Variants in GRAMD1B observed in about 807,000 individuals in gnomAD.
The protein encoded by GRAMD1B is protein Aster-B.
A neutral mutation model predicts 99.7 loss-of-function variants in GRAMD1B; 37 were observed. The ratio of observed to expected loss-of-function variants is 0.37; its 90% confidence interval spans 0.29 to 0.49. The LOEUF is 0.49. Ranked by LOEUF, GRAMD1B falls within the 20% of genes least tolerant of loss-of-function variation. The pLI is 0.98. For synonymous variants in GRAMD1B, 427 were observed against 387.6 expected (o/e 1.10, Z -1.19); for missense variants, 888 against 1,009.2 (o/e 0.88, Z 1.63).
At chr11:123,596,762 A>C (rs1565437503) in intron 7 of GRAMD1B, among the ~76,000 whole-genome samples, 1 of 152,192 alleles carries the variant, frequency 6.6e-6, no homozygotes, top group Non-Finnish European at 1.5e-5. Flanking sequence ...AAAACAATTG[A>C]AGGCCTGAGT....
At chr11:123,406,013 T>G (rs1039126500) in intron 1 of GRAMD1B, among the ~76,000 whole-genome samples, 3 of 146,294 alleles carry the variant, frequency 2.1e-5, no homozygotes, top group Non-Finnish European at 3.0e-5. Flanking sequence ...CTGAACATTA[T>G]TCCTTTTTTT....
chr11:123,425,882 G>C (rs1183298841), upstream of GRAMD1B, among the ~76,000 whole-genome samples: 2 of 152,124 alleles, frequency 1.3e-5, no homozygotes, highest in African/African-American at 2.4e-5. Flanking sequence ...ATGAAGGGAG[G>C]ACTCGTGAAA....
intron 1 of GRAMD1B, among the ~76,000 whole-genome samples, chr11:123,444,754 C>T (rs1286480083): frequency 6.6e-6 from 1 of 152,126 alleles, no homozygotes; most frequent in Non-Finnish European, 1.5e-5. Context: ...CTCCCAGCAC[C>T]TGCACGAGTT....
At chr11:123,526,019 G>A (rs567043908) in intron 2 of GRAMD1B, 4 of 741,580 alleles carry the variant, frequency 5.4e-6, no homozygotes, top group African/African-American at 1.7e-5. Context: ...TTCTCTTTCT[G>A]TGTTCAAGTC....
At chr11:123,363,579 T>G (rs1330941665) in intron 1 of GRAMD1B, among the ~76,000 whole-genome samples, 3 of 149,518 alleles carry the variant, frequency 2.0e-5, no homozygotes, top group Admixed American at 6.6e-5. Flanking sequence ...ACTTTTTTTT[T>G]GTTTGTTTTT....
chr11:123,531,228 A>C lies in GRAMD1B; in HGVS notation c.453-46139A>C, dbSNP rs140429233. On this transcript the variant is annotated intron_variant, in intron 2 of 19. Coordinates refer to ENST00000635736, the MANE Select transcript of GRAMD1B (RefSeq NM_001387025.1). The stretch of plus-strand genomic sequence containing the variant: ...TCCCGTGGTTCGGTAAGTCCAGGAC[A>C]CTGAGCGCTGGTCATCTAGGCATTT... Among the ~76,000 whole-genome samples the C allele has an allele frequency of 2.9e-3, 445 of 152,318 alleles. 3 individuals carry two copies. The highest frequency in any genetic ancestry group is 0.01 in the African/African-American group (427 of 41,564).
rs1592267485 is a variant in GRAMD1B, at chr11:123,610,377, T to A, written c.1919+39T>A. 1.9e-6 allele frequency: 3 copies of A among 1,604,848 alleles called. No homozygotes were observed. The East Asian group carries it at 6.7e-5, about 36-fold the overall frequency. ...AAGTCCCAGTGCGGTCAGACGGGGGTCCTTACCTTAGAGAACATTCATTTG... is the reference window on the plus strand; with the variant it reads ...AAGTCCCAGTGCGGTCAGACGGGGGACCTTACCTTAGAGAACATTCATTTG... On this transcript the variant is annotated intron_variant, in intron 14 of 19. Coordinates refer to ENST00000635736, the MANE Select transcript of GRAMD1B (RefSeq NM_001387025.1). The surrounding 1 kb of genome is among the most constrained non-coding windows in gnomAD (Gnocchi z 4.1).
chr11:123,560,597 G>T (rs1946633621), intron 2 of GRAMD1B: 2 of 541,574 alleles, frequency 3.7e-6, no homozygotes, highest in Non-Finnish European at 6.5e-6. Flanking sequence ...ATGCATGAAT[G>T]AATGAGTTCC....
intron 1 of GRAMD1B, among the ~76,000 whole-genome samples, chr11:123,442,866 C>G (rs111776768): frequency 2.7e-5 from 4 of 150,176 alleles, no homozygotes; most frequent in Admixed American, 6.6e-5. Flanking sequence ...TGCCCCCCCC[C>G]ACCCCTTTTA....
intron 1 of GRAMD1B, among the ~76,000 whole-genome samples, chr11:123,401,050 T>G (rs1272436917): frequency 6.6e-6 from 1 of 152,204 alleles, no homozygotes; most frequent in Non-Finnish European, 1.5e-5. Context: ...GAAAGCAATT[T>G]ATATATTTTA....
At chr11:123,414,291 C>T (rs372567097) in intron 1 of GRAMD1B, among the ~76,000 whole-genome samples, 3 of 152,122 alleles carry the variant, frequency 2.0e-5, no homozygotes, top group African/African-American at 7.2e-5. Context: ...GTGATCCACC[C>T]GCTTTGGCCT....
Position 123,442,016 on chromosome 11 carries a change from CTG to C in GRAMD1B, c.374+10852_374+10853del, listed in dbSNP as rs1220663840. ...AGAGAATTTGAAAGGAAAGATCAAA[CTG>C]TTTTTTCTTTCTCACAGTCAACACA... On this transcript the variant is annotated intron_variant, in intron 1 of 19. Transcript: ENST00000635736. Among the ~76,000 whole-genome samples, 5 of 152,268 alleles carry C rather than the reference CTG, an allele frequency of 3.3e-5. No individual in the cohort carries two copies. The East Asian group carries it at 9.7e-4, about 29-fold the overall frequency.
chr11:123,609,876 C>G lies in GRAMD1B; in HGVS notation c.1739C>G (p.Pro580Arg). Residue 580 changes from proline to arginine, a missense_variant, in exon 13 of 20, where the codon CCT becomes CGT. Transcript: ENST00000635736. ...VILYTITLTN[P>R]LAPKTATVRE... ...CTTTACACCATCACCCTTACCAACC[C>G]TCTGGCTCCCAAAACTGCCACTGTC... 1 of 1,598,678 alleles carries G rather than the reference C, an allele frequency of 6.3e-7. No homozygotes were observed.
At chr11:123,387,850 G>A (rs935845174) in intron 1 of GRAMD1B, among the ~76,000 whole-genome samples, 3 of 152,108 alleles carry the variant, frequency 2.0e-5, no homozygotes, top group Admixed American at 6.6e-5. Context: ...TTGGCCGGGT[G>A]TGGTGGCTCA....
At chr11:123,561,492 T>C (rs1434916726) in intron 2 of GRAMD1B, among the ~76,000 whole-genome samples, 1 of 152,272 alleles carries the variant, frequency 6.6e-6, no homozygotes, top group African/African-American at 2.4e-5. Context: ...ATTTGCCATG[T>C]ATTTTGAGAA....
chr11:123,484,206 T>C (rs1951764089), intron 2 of GRAMD1B, among the ~76,000 whole-genome samples: 1 of 152,184 alleles, frequency 6.6e-6, no homozygotes. Context: ...CTTTGCCTGC[T>C]CTTCTTCTAC....
chr11:123,480,115 T>C (rs1951509271), intron 1 of GRAMD1B, among the ~76,000 whole-genome samples: 1 of 152,200 alleles, frequency 6.6e-6, no homozygotes. Flanking sequence ...AAGGCCATTC[T>C]TTCCCGTATT....
Position 123,613,521 on chromosome 11 carries a change from A to G in GRAMD1B, c.2090A>G (p.Lys697Arg). The G allele has an allele frequency of 6.2e-7, 1 of 1,613,598 alleles. No individual in the cohort carries two copies. The highest frequency in any genetic ancestry group is 8.5e-7 in the Non-Finnish European group (1 of 1,179,738). Residue 697 changes from lysine (K) to arginine (R), a missense_variant, in exon 16 of 20, where the codon AAG (lysine) becomes AGG (arginine). Physicochemically the swap from Lys to Arg is conservative, Grantham distance 26 (BLOSUM62 2). Around this residue, in one of 5 missense-constraint regions of GRAMD1B, gnomAD observed 232 missense variants for 261.7 expected, o/e 0.89. Transcript: ENST00000635736. ...ATGCACAGACAATCTCCCAAAGAGA[A>G]GGCCAGCAAGACTACAACGGTGCGG... ...AEMHRQSPKEKASKTTTVRRR... is the reference protein window; with the variant it reads ...AEMHRQSPKERASKTTTVRRR...
At chr11:123,485,712 ATTCT>A (rs776951070) in intron 2 of GRAMD1B, among the ~76,000 whole-genome samples, 1 of 142,848 alleles carries the variant, frequency 7.0e-6, no homozygotes, top group Non-Finnish European at 1.5e-5. Flanking sequence ...ACATTAATTC[ATTCT>A]TTTTTTTTTT....
Sources: allele counts gnomAD v4.1 joint callset (sites outside exome capture counted in the v4.1 genomes callset), GRCh38; gene constraint gnomAD v4.1.1; regional missense constraint gnomAD v4.1.1; non-coding constraint Gnocchi (gnomAD v3.1); transcripts MANE v1.5; gene names NCBI Gene and HGNC (gene_info 2026-07-23, HGNC 2026-07-21).